ING5: variants seen among roughly 807,000 people sequenced by gnomAD.
ING5 encodes inhibitor of growth protein 5.
ING5 carries 17 observed loss-of-function variants against 37.4 expected under a neutral mutation model. The observed-to-expected ratio is 0.45, with a 90% CI of 0.31 to 0.68. ING5 has a LOEUF of 0.68. ING5 is among the 30% of genes least tolerant of loss of function. The pLI is 0.05. For missense variants in ING5, 233 were observed against 311.9 expected (o/e 0.75, Z 1.91); for synonymous variants, 123 against 116.6 (o/e 1.06, Z -0.36).
At chr2:241,721,112 G>A (rs984546613) in intron 5 of ING5, 12 of 985,466 alleles carry the variant, frequency 1.2e-5, no homozygotes, top group Admixed American at 1.2e-4. Flanking sequence ...TCAGCGTTTC[G>A]GGGACGGTTG....
At chr2:241,724,110 TCTG>T in intron 7 of ING5, 1 of 1,270,356 alleles carries the variant, frequency 7.9e-7, no homozygotes, top group Non-Finnish European at 1.0e-6. Context: ...AATGTGCTCT[TCTG>T]TGTGGCACTC....
rs546733637 is a variant in ING5 at position 241,691,799 on chromosome 2, C to T, written c.43+1146C>T. Among the ~76,000 whole-genome samples the T allele has an allele frequency of 2.6e-5, 4 of 152,288 alleles. No homozygotes were observed. In the East Asian group the frequency reaches 7.7e-4, roughly 29 times the overall value. ...CCCTGGCCAGGCATGGTGGCTCACA[C>T]CTACAATCCCAGCACTTTGGGAGGC... On this transcript the variant is annotated intron_variant, in intron 2 of 7. Transcript: ENST00000636051.
upstream of ING5, among the ~76,000 whole-genome samples, chr2:241,701,870 C>T (rs905129717): frequency 6.6e-6 from 1 of 151,922 alleles, no homozygotes; most frequent in African/African-American, 2.4e-5. Flanking sequence ...CGCTGCCCGA[C>T]GCCGCTGCCA....
rs1228564038 is a variant in ING5 at position 241,725,835 on chromosome 2, TC to T, written c.*806del. On this transcript the variant is annotated 3_prime_UTR_variant, in exon 8 of 8. Coordinates refer to ENST00000313552, the MANE Select transcript of ING5 (RefSeq NM_032329.6). The stretch of plus-strand genomic sequence containing the variant: ...AGCATGAAGATCGTGGGTCTGTGTG[TC>T]CGTGAAGTGAGTCCCGTCTGCCAGG... The T allele has an allele frequency of 1.3e-5, 2 of 152,050 alleles. No homozygotes were observed. The highest frequency in any genetic ancestry group is 1.3e-4 in the Admixed American group (2 of 15,220). 9.4% of individuals were successfully genotyped at this position (152,050 alleles called of 1,614,324 possible).
intron 2 of ING5, among the ~76,000 whole-genome samples, chr2:241,705,406 T>C (rs1575123460): frequency 6.9e-6 from 1 of 144,596 alleles, no homozygotes; most frequent in Admixed American, 7.0e-5. Context: ...TTTTTTTTTT[T>C]TTTTTTTTTG....
rs775080673 is a variant in ING5 at position 241,711,467 on chromosome 2, T to C, written c.367T>C (p.Ser123Pro). The C allele has an allele frequency of 1.1e-5, 18 of 1,606,194 alleles. No individual in the cohort carries two copies. In the Admixed American group the frequency reaches 3.1e-4, roughly 28 times the overall value. The change falls in exon 4 of 8, where the codon TCC becomes CCC. Residue 123 changes from serine to proline, a missense_variant. By Grantham distance (74) the Ser-to-Pro change is moderately conservative. This residue lies in a region of ING5 where 76 missense variants were observed against 68.2 expected (regional missense o/e 1.11). Transcript: ENST00000313552. ...DKMEGSDFES[S>P]GGRGLKKGRG... ...GATGGAGGGCAGTGATTTTGAAAGCTCCGGAGGGCGAGGGTTAAAAAGCAA... is the reference window on the plus strand; with the variant it reads ...GATGGAGGGCAGTGATTTTGAAAGCCCCGGAGGGCGAGGGTTAAAAAGCAA...
At position 241,719,709 on chromosome 2, in the gene ING5, T is replaced by C. The variant is rs538613754; in HGVS notation, c.483-3230T>C. On this transcript the variant is annotated intron_variant, in intron 5 of 7. Transcript: ENST00000313552. ...GGGTCGGGGCTTCCTCCCTGAGGGC[T>C]CTGCCCAGCTTCAGAGACCTCAGGA... 2.0e-4 allele frequency: 302 copies of C among 1,499,534 alleles called. 1 individual carries two copies. Among genetic ancestry groups the C allele is most frequent in the Non-Finnish European group, 8.0e-5 (90 of 1,130,760 alleles). The allele number at this position is 1,499,534 out of a possible 1,614,324, so 92.9% of individuals were successfully genotyped here.
At chr2:241,708,191 T>C (rs2069984882) in intron 2 of ING5, among the ~76,000 whole-genome samples, 1 of 151,476 alleles carries the variant, frequency 6.6e-6, no homozygotes, top group South Asian at 2.1e-4. Flanking sequence ...CCGCCGTGCA[T>C]GGCCTTCAAC....
intron 5 of ING5, 124 bp downstream of exon 5, chr2:241,712,195 T>A: frequency 1.3e-6 from 1 of 784,764 alleles, no homozygotes; most frequent in South Asian, 1.9e-5. Context: ...GGTATTCTGA[T>A]TCTTACGCTG....
Position 241,727,085 on chromosome 2 carries a change from G to A in ING5, c.*2054G>A, listed in dbSNP as rs1046444587. ...GCTGGGATTACAGGCGTGAGCCACC[G>A]CGCCTGGCCACCCAGCTAAGTTTGT... is the stretch of plus-strand genomic sequence containing the variant. On this transcript the variant is annotated 3_prime_UTR_variant, in exon 8 of 8. Coordinates refer to ENST00000313552, the MANE Select transcript of ING5 (RefSeq NM_032329.6). 7 of 152,212 alleles carry A rather than the reference G, an allele frequency of 4.6e-5. No homozygotes were observed. Among genetic ancestry groups the A allele is most frequent in the African/African-American group, 1.4e-4 (6 of 41,414 alleles). 9.4% of individuals were successfully genotyped at this position (152,212 alleles called of 1,614,324 possible). A position where few individuals can be genotyped will look rare whatever the true frequency, so the allele number is the denominator to read the frequency against.
upstream of ING5, among the ~76,000 whole-genome samples, chr2:241,698,275 C>T (rs1343203460): frequency 6.6e-6 from 1 of 151,994 alleles, no homozygotes; most frequent in Non-Finnish European, 1.5e-5. Context: ...AAACCCCCGT[C>T]TCTACTGAAA....
chr2:241,701,468 G>A (rs867970398), upstream of ING5, among the ~76,000 whole-genome samples: 2 of 152,326 alleles, frequency 1.3e-5, no homozygotes, highest in South Asian at 2.1e-4. Flanking sequence ...GGCGGCGTTG[G>A]CGGGGGAAGG....
intron 5 of ING5, chr2:241,721,485 AGT>A: frequency 2.0e-6 from 2 of 985,510 alleles, no homozygotes; most frequent in African/African-American, 1.7e-5. Context: ...GCTGAGCCCG[AGT>A]GTGTGTGTAT....
In ING5 at chr2:241,728,161, C is replaced by G. The variant is rs1177552686; in HGVS notation, c.*3130C>G. 1 of 152,284 alleles carries G rather than the reference C, an allele frequency of 6.6e-6. No homozygotes were observed. The highest frequency in any genetic ancestry group is 1.5e-5 in the Non-Finnish European group (1 of 68,064). 9.4% of individuals were successfully genotyped at this position (152,284 alleles called of 1,614,324 possible). A position where few individuals can be genotyped will look rare whatever the true frequency, so the allele number is the denominator to read the frequency against. On this transcript the variant is annotated 3_prime_UTR_variant, in exon 8 of 8. Coordinates refer to ENST00000313552, the MANE Select transcript of ING5 (RefSeq NM_032329.6). Reference sequence around the variant, plus strand: ...TGACGCTGTCTACCCGTGGGAGAGACACACTCAGGAGTGGCCGTTTGGCCA... The same window carrying G: ...TGACGCTGTCTACCCGTGGGAGAGAGACACTCAGGAGTGGCCGTTTGGCCA...
rs548882275 is a variant in ING5, at chr2:241,693,930, A to G, written c.43+3277A>G. ...CGCCTTGGCCTCCTAAATTGCTGGG[A>G]TTACAGGCATGAGCCACCGCGCCTG... On this transcript the variant is annotated intron_variant, in intron 2 of 7. Transcript: ENST00000636051. Among the ~76,000 whole-genome samples the G allele has an allele frequency of 1.3e-3, 190 of 151,382 alleles. 2 individuals carry two copies. Among genetic ancestry groups the G allele is most frequent in the African/African-American group, 4.3e-3 (178 of 41,366 alleles).
At position 241,725,212 on chromosome 2, in the gene ING5, C is replaced by A; in HGVS notation, c.*181C>A. On this transcript the variant is annotated 3_prime_UTR_variant, in exon 8 of 8. Coordinates refer to ENST00000313552, the MANE Select transcript of ING5 (RefSeq NM_032329.6). ...AAAGCCTGTTCGCACAGAAGGGCGA[C>A]CTTGCAGGGACTCGCCGCCGCGACC... The A allele has an allele frequency of 1.5e-6, 1 of 672,030 alleles. No homozygotes were observed. The highest frequency in any genetic ancestry group is 2.5e-5 in the Admixed American group (1 of 40,678). The allele number at this position is 672,030 out of a possible 1,614,324, so 41.6% of individuals were successfully genotyped here. A position where few individuals can be genotyped will look rare whatever the true frequency, so the allele number is the denominator to read the frequency against.
intron 5 of ING5, among the ~76,000 whole-genome samples, chr2:241,716,542 A>C (rs958388366): frequency 6.6e-6 from 1 of 151,406 alleles, no homozygotes; most frequent in Non-Finnish European, 1.5e-5. Context: ...TGATCCACCC[A>C]CCTCGGCCTC....
intron 2 of ING5, 104 bp from the exon 3 acceptor site, chr2:241,709,112 A>T: frequency 1.6e-6 from 2 of 1,252,118 alleles, no homozygotes; most frequent in Non-Finnish European, 2.3e-6. Context: ...GTCAGCCTAC[A>T]TCTTTGCCAC....
intron 2 of ING5, among the ~76,000 whole-genome samples, chr2:241,692,814 T>G (rs1180990057): frequency 6.6e-6 from 1 of 152,052 alleles, no homozygotes; most frequent in Non-Finnish European, 1.5e-5. Flanking sequence ...GGAGATGTAT[T>G]TGAGGAGACG....
Sources: allele counts gnomAD v4.1 joint callset (sites outside exome capture counted in the v4.1 genomes callset), GRCh38; gene constraint gnomAD v4.1.1; regional missense constraint gnomAD v4.1.1; transcripts MANE v1.5; gene names NCBI Gene and HGNC (gene_info 2026-07-23, HGNC 2026-07-21).